Variants in TTN observed in about 807,000 individuals in gnomAD.
TTN encodes the protein connectin.
TTN carries 1,525 observed loss-of-function variants against 3,223.0 expected under a neutral mutation model. That is an observed-to-expected ratio of 0.47 (90% confidence interval 0.45 to 0.49). TTN has a LOEUF of 0.49. Ranked by LOEUF, TTN falls within the 20% of genes least tolerant of loss-of-function variation. The pLI is 0.00. For synonymous variants in TTN, 14,094 were observed against 15,161.0 expected, an observed-to-expected ratio of 0.93 and a Z score of 5.17; for missense variants, 40,786 against 43,424.0, an observed-to-expected ratio of 0.94 and a Z score of 5.40.
Position 178,566,614 on chromosome 2 carries a change from A to G in TTN, c.79518T>C (p.Leu26506=), listed in dbSNP as rs367608273. ...IVDTTKNSIT[L]AWGKPIYDGG... ...CATCATAGATGGGTTTACCCCAGGC[A>G]AGTGTGATTGAATTTTTAGTGGTGT... Residue 26506 remains leucine, a synonymous_variant, in exon 326 of 363, where the codon CTT becomes CTC. Coordinates refer to ENST00000589042, the MANE Select transcript of TTN (RefSeq NM_001267550.2). The G allele has an allele frequency of 3.7e-6, 6 of 1,612,424 alleles. No homozygotes were observed. In the African/African-American group the frequency reaches 8.0e-5, roughly 22 times the overall value.
Position 178,781,217 on chromosome 2 carries a change from T to G in TTN, c.3427A>C (p.Ile1143Leu), listed in dbSNP as rs1466464278. The part of the protein sequence containing the change: ...NKQTGECKLV[I>L]SMTFADDAGE... ...GCATCATCAGCAAAAGTCATAGAAA[T>G]CACCAGCTTGCATTCACCGGTTTGT... The change falls in exon 21 of 363, where the codon ATT becomes CTT. Residue 1143 changes from isoleucine (I) to leucine (L), a missense_variant. Transcript: ENST00000589042. The G allele has an allele frequency of 6.2e-7, 1 of 1,614,078 alleles. No homozygotes were observed. The highest frequency in any genetic ancestry group is 8.5e-7 in the Non-Finnish European group (1 of 1,179,980).
At position 178,632,421 on chromosome 2, in the gene TTN, G is replaced by C. The variant is rs1553738766; in HGVS notation, c.43481-8C>G. ...GGAATTTGAGCCGGATTCCTATCAA[G>C]AAAAAAAAGAAAGAACTTATTAATT... On this transcript the variant is annotated splice_region_variant and splice_polypyrimidine_tract_variant and intron_variant, in intron 235 of 362. Coordinates refer to ENST00000589042, the MANE Select transcript of TTN (RefSeq NM_001267550.2). The C allele has an allele frequency of 1.3e-6, 2 of 1,567,782 alleles. No homozygotes were observed. Among genetic ancestry groups the C allele is most frequent in the Non-Finnish European group, 1.7e-6 (2 of 1,162,880 alleles).
chr2:178,625,527 C>T (rs2058894128), intron 240 of TTN, 131 bp from the exon 241 acceptor site: 2 of 941,642 alleles, frequency 2.1e-6, no homozygotes, highest in Non-Finnish European at 2.9e-6. Context: ...AGCACGTATG[C>T]ATTCAAAAAT....
chr2:178,706,731 C>T lies in TTN; in HGVS notation c.29143G>A (p.Ala9715Thr). The T allele has an allele frequency of 6.2e-7, 1 of 1,608,308 alleles. No homozygotes were observed. Among genetic ancestry groups the T allele is most frequent in the Non-Finnish European group, 8.5e-7 (1 of 1,176,904 alleles). The change falls in exon 102 of 363, where the codon GCG (alanine) becomes ACG (threonine). Residue 9715 changes from alanine to threonine, a missense_variant. Ala to Thr is a moderately conservative substitution (Grantham distance 58). Transcript: ENST00000589042. ...QSIRVVEKTT[A>T]TFIAKVGGDP... ...CCTCCAACTTTTGCAATGAAGGTCG[C>T]AGTGGTTTCTAAGGAATAATGAAAA...
rs745672935 is a variant in TTN at position 178,562,865 on chromosome 2, G to A, written c.83267C>T (p.Thr27756Ile). ...AAGAACTCTGACGTTAACAAAAGCT[G>A]TTTTGGAGCCACTATTATTTTCTAA... ...LTLENNSGSK[T>I]AFVNVRVLDS... Residue 27756 changes from threonine to isoleucine, a missense_variant, in exon 326 of 363, where the codon ACA becomes ATA. Transcript: ENST00000589042. The A allele has an allele frequency of 3.1e-6, 5 of 1,613,042 alleles. No homozygotes were observed. Among genetic ancestry groups the A allele is most frequent in the Non-Finnish European group, 3.4e-6 (4 of 1,179,510 alleles).
chr2:178,618,514 T>A (rs750879878), intron 251 of TTN, 23 bp from the exon 252 acceptor site: 2 of 1,609,358 alleles, frequency 1.2e-6, no homozygotes, highest in Non-Finnish European at 1.7e-6. Context: ...TATAGAGGAA[T>A]TTTTTTAGTG....
At position 178,553,310 on chromosome 2, in the gene TTN, T is replaced by C. The variant is rs770839822; in HGVS notation, c.89590A>G (p.Lys29864Glu). Residue 29864 changes from lysine to glutamate, a missense_variant, in exon 335 of 363, where the codon AAA becomes GAA. Lys to Glu is a moderately conservative substitution (Grantham distance 56). Coordinates refer to ENST00000589042, the MANE Select transcript of TTN (RefSeq NM_001267550.2). Reference protein sequence around the residue: ...GEDVQVLIPFKGRPPPTVTWR... With the variant: ...GEDVQVLIPFEGRPPPTVTWR... ...GTGACAGTAGGTGGAGGTCTGCCTT[T>C]AAAGGGAATCAACACTTGTACATCT... 11 of 1,607,018 alleles carry C rather than the reference T, an allele frequency of 6.8e-6. No individual in the cohort carries two copies. The East Asian group carries it at 2.2e-4, about 33-fold the overall frequency.
Position 178,553,490 on chromosome 2 carries a change from G to T in TTN, c.89503+12C>A, listed in dbSNP as rs72648239. The T allele has an allele frequency of 6.3e-7, 1 of 1,598,296 alleles. No homozygotes were observed. The highest frequency in any genetic ancestry group is 1.7e-5 in the Admixed American group (1 of 58,304). On this transcript the variant is annotated intron_variant, in intron 334 of 362. Transcript: ENST00000589042. ...CTTATTAAAAAACATAATCAAACCA[G>T]TAGGTACATACCAAGTATATCTTTA...
rs1356088079 is a variant in TTN at position 178,777,984 on chromosome 2, C to T, written c.4209-9G>A. 1 of 1,612,636 alleles carries T rather than the reference C, an allele frequency of 6.2e-7. No individual in the cohort carries two copies. The highest frequency in any genetic ancestry group is 8.5e-7 in the Non-Finnish European group (1 of 1,179,482). On this transcript the variant is annotated splice_polypyrimidine_tract_variant and intron_variant, in intron 24 of 362. Transcript: ENST00000589042. ...AACGTGGAGAGAGAGATCTGCAAAA[C>T]AAAGACACACAATACTTTCGTGAGG...
In TTN at chr2:178,579,203, T is replaced by G. The variant is rs751153093; in HGVS notation, c.67827A>C (p.Ile22609=). ...CATCAGATTTTTGGCAATCGTACAC[T>G]ATAAGAGTTGTGTTAACCGCAGATG... ...VESSAVNTTL[I]VYDCQKSDAG... Residue 22609 remains isoleucine (I), a synonymous_variant, in exon 320 of 363, where the codon ATA becomes ATC. Coordinates refer to ENST00000589042, the MANE Select transcript of TTN (RefSeq NM_001267550.2). The G allele has an allele frequency of 1.2e-6, 2 of 1,613,378 alleles. No individual in the cohort carries two copies. The highest frequency in any genetic ancestry group is 1.7e-6 in the Non-Finnish European group (2 of 1,179,572).
chr2:178,684,357 T>A lies in TTN; in HGVS notation c.32695A>T (p.Lys10899Ter). 1 of 1,613,640 alleles carries A rather than the reference T, an allele frequency of 6.2e-7. No homozygotes were observed. Among genetic ancestry groups the A allele is most frequent in the Non-Finnish European group, 8.5e-7 (1 of 1,179,674 alleles). The change falls in exon 132 of 363, where the codon AAA becomes TAA. Residue 10899 changes from lysine (K) to a stop codon, truncating the protein, a stop_gained. Coordinates refer to ENST00000589042, the MANE Select transcript of TTN (RefSeq NM_001267550.2). LOFTEE classifies it high-confidence loss of function. ...CTTGCTTTTGGAGGCGCCTCTTTTT[T>A]AGTTACAGCAACAAGAACTTTTTCT... is the stretch of plus-strand genomic sequence containing the variant. ...QEEKVLVAVT[K>*]KEAPPKARVP...
Position 178,612,069 on chromosome 2 carries a change from C to G in TTN, c.50342G>C (p.Arg16781Thr). ...ATTCAAATTCTACCTCTGTATTGGTCTTCCACCATCATTTTTAGGTGGCTC... is the reference window on the plus strand; with the variant it reads ...ATTCAAATTCTACCTCTGTATTGGTGTTCCACCATCATTTTTAGGTGGCTC... ...KWEPPKNDGG[R>T]PIQRYVIEKK... Residue 16781 changes from arginine to threonine, a missense_variant, in exon 267 of 363, where the codon AGA becomes ACA. Coordinates refer to ENST00000589042, the MANE Select transcript of TTN (RefSeq NM_001267550.2). The G allele has an allele frequency of 6.2e-7, 1 of 1,610,714 alleles. No individual in the cohort carries two copies. The highest frequency in any genetic ancestry group is 8.5e-7 in the Non-Finnish European group (1 of 1,178,498).
chr2:178,611,263 T>C lies in TTN; in HGVS notation c.50866A>G (p.Thr16956Ala), dbSNP rs1250320003. Residue 16956 changes from threonine (T) to alanine (A), a missense_variant, in exon 270 of 363, where the codon ACA becomes GCA. Coordinates refer to ENST00000589042, the MANE Select transcript of TTN (RefSeq NM_001267550.2). ...ATGTCATGAGTCTCCAGGTCAATTG[T>C]TGGCTTGCCTGTAAGATATCATTCA... is the stretch of plus-strand genomic sequence containing the variant. ...VVAKDPDCKP[T>A]IDLETHDIIV... 21 of 1,612,030 alleles carry C rather than the reference T, an allele frequency of 1.3e-5. No individual in the cohort carries two copies. The highest frequency in any genetic ancestry group is 1.6e-5 in the Non-Finnish European group (19 of 1,179,134).
chr2:178,713,408 C>CAAAACAAAACA (rs760674321), intron 92 of TTN, 36 bp from the exon 93 acceptor site: 3 of 1,459,512 alleles, frequency 2.1e-6, no homozygotes, highest in African/African-American at 2.9e-5. Context: ...CAAAACAAAA[C>CAAAACAAAACA]AAAAAAAACA....
At chr2:178,743,924 A>G (rs2082957233) in intron 47 of TTN, among the ~76,000 whole-genome samples, 1 of 151,946 alleles carries the variant, frequency 6.6e-6, no homozygotes. Flanking sequence ...GGTGGCTCAA[A>G]CAGATAATTC....
rs368264432 is a variant in TTN, at chr2:178,551,704, A to G, written c.91196T>C (p.Val30399Ala). The change falls in exon 335 of 363, where the codon GTA (valine) becomes GCA (alanine). Residue 30399 changes from valine to alanine, a missense_variant. Coordinates refer to ENST00000589042, the MANE Select transcript of TTN (RefSeq NM_001267550.2). ...LVEGLDYQFR[V>A]YAENSAGLSS... ...TAGGCCAGCAGAATTTTCAGCATAT[A>G]CACGGAATTGGTAATCCAGACCTTC... is the stretch of plus-strand genomic sequence containing the variant. The G allele has an allele frequency of 1.2e-6, 2 of 1,613,502 alleles. No homozygotes were observed. The highest frequency in any genetic ancestry group is 1.7e-6 in the Non-Finnish European group (2 of 1,179,592).
rs774575929 is a variant in TTN, at chr2:178,575,675, G to A, written c.70457C>T (p.Thr23486Ile). 1.9e-6 allele frequency: 3 copies of A among 1,613,584 alleles called. No individual in the cohort carries two copies. Among genetic ancestry groups the A allele is most frequent in the East Asian group, 4.5e-5 (2 of 44,790 alleles). ...EATRKSYSTA[T>I]TKCHKCTYKV... The stretch of plus-strand genomic sequence containing the variant: ...ATATGTGCATTTATGGCACTTAGTG[G>A]TGGCTGTGGAATAAGATTTCCGTGT... The change falls in exon 326 of 363, where the codon ACC becomes ATC. Residue 23486 changes from threonine to isoleucine, a missense_variant. Transcript: ENST00000589042. The surrounding 1 kb of genome is among the most constrained non-coding windows in gnomAD (Gnocchi z 4.0).
intron 96 of TTN, 62 bp downstream of exon 96, chr2:178,711,882 G>C: frequency 6.6e-7 from 1 of 1,510,388 alleles, no homozygotes. Flanking sequence ...GGCCTCCCCA[G>C]ACATTTTAAA....
intron 47 of TTN, chr2:178,745,049 T>C (rs902861085): frequency 1.0e-6 from 1 of 987,100 alleles, no homozygotes; most frequent in Non-Finnish European, 1.2e-6. Flanking sequence ...TAGTTGCCAA[T>C]TGGGAGAAGC....
Sources: gnomAD v4.1 joint callset for allele counts (sites outside exome capture counted in the v4.1 genomes callset) on GRCh38, gnomAD v4.1.1 for gene constraint, Gnocchi (gnomAD v3.1) non-coding constraint, MANE v1.5 for transcripts, NCBI Gene and HGNC (gene_info 2026-07-23, HGNC 2026-07-21) for gene names.